ABLIM1: variants seen among roughly 807,000 people sequenced by gnomAD.
The protein encoded by ABLIM1 is actin-binding LIM protein 1.
ABLIM1 carries 40 observed loss-of-function variants against 107.0 expected under a neutral mutation model. The ratio of observed to expected loss-of-function variants is 0.37; its 90% CI spans 0.29 to 0.49. The LOEUF (loss-of-function observed/expected upper bound fraction) is 0.49. ABLIM1 is among the 20% of genes least tolerant of loss of function. The probability of loss-of-function intolerance (pLI) is 0.97; values close to 1 mark genes in which losing one functional copy is unlikely to be tolerated. For missense variants in ABLIM1, 857 were observed against 1,008.5 expected (o/e 0.85, Z 2.04); for synonymous variants, 357 against 357.3 (o/e 1.00, Z 0.01).
At chr10:114,793,209 T>C in the ABLIM1 span, among the ~76,000 whole-genome samples, 6 of 152,018 alleles carry the variant, frequency 3.9e-5, no homozygotes, top group Non-Finnish European at 8.8e-5. Flanking sequence ...TGGGGCCTGG[T>C]GGGAGGTAAC....
At chr10:114,644,198 A>G (rs528597676) in intron 1 of ABLIM1, among the ~76,000 whole-genome samples, 18 of 141,694 alleles carry the variant, frequency 1.3e-4, no homozygotes, top group Admixed American at 3.6e-4. Flanking sequence ...GGAGAATGGC[A>G]TGAACCCGGG....
chr10:114,728,837 G>A (rs1454476894), intron 1 of ABLIM1, among the ~76,000 whole-genome samples: 1 of 152,064 alleles, frequency 6.6e-6, no homozygotes, highest in East Asian at 1.9e-4. Context: ...ACAATCTGAA[G>A]TATGGCAAAA....
intron 6 of ABLIM1, chr10:114,526,805 G>C: frequency 1.0e-6 from 1 of 985,466 alleles, no homozygotes; most frequent in Non-Finnish European, 1.2e-6. Context: ...CACCTGCCTG[G>C]GTTACATATC....
intron 1 of ABLIM1, among the ~76,000 whole-genome samples, chr10:114,606,812 C>A (rs1046527650): frequency 6.6e-6 from 1 of 152,204 alleles, no homozygotes; most frequent in African/African-American, 2.4e-5. Context: ...AATGAAGTGA[C>A]TCACCCAAGG....
intron 1 of ABLIM1, among the ~76,000 whole-genome samples, chr10:114,653,105 C>T (rs181546340): frequency 4.0e-4 from 61 of 152,208 alleles, no homozygotes; most frequent in African/African-American, 1.4e-3. Flanking sequence ...GTCAGGCAGA[C>T]CTAAGCCCAA....
intron 4 of ABLIM1, among the ~76,000 whole-genome samples, chr10:114,563,195 G>C (rs1455876629): frequency 6.6e-6 from 1 of 152,186 alleles, no homozygotes; most frequent in Non-Finnish European, 1.5e-5. Flanking sequence ...TGTTAACAGA[G>C]GTCACCTCTT....
intron 1 of ABLIM1, among the ~76,000 whole-genome samples, chr10:114,641,275 A>AAAAAG (rs1456354545): frequency 2.7e-5 from 4 of 146,118 alleles, no homozygotes; most frequent in Non-Finnish European, 4.5e-5. Flanking sequence ...AAAAAAAAAA[A>AAAAAG]GTGGACTTCG....
chr10:114,565,880 C>T (rs1350161864), intron 4 of ABLIM1, among the ~76,000 whole-genome samples: 9 of 133,860 alleles, frequency 6.7e-5, no homozygotes, highest in African/African-American at 2.5e-4. Context: ...CTGCAAGCTC[C>T]GCCTCCTGGG....
chr10:114,621,517 G>A (rs1236817585), intron 1 of ABLIM1, among the ~76,000 whole-genome samples: 3 of 152,168 alleles, frequency 2.0e-5, no homozygotes, highest in Non-Finnish European at 2.9e-5. Context: ...ATGAATATAG[G>A]TTGAATCAAA....
At chr10:114,610,305 T>C (rs934002883) in intron 1 of ABLIM1, among the ~76,000 whole-genome samples, 40 of 152,216 alleles carry the variant, frequency 2.6e-4, no homozygotes, top group Middle Eastern at 3.2e-3. Flanking sequence ...GAGGCCAGGA[T>C]TGGAAATCTC....
intron 15 of ABLIM1, 51 bp downstream of exon 15, chr10:114,447,829 T>C: frequency 1.2e-6 from 2 of 1,600,230 alleles, no homozygotes; most frequent in Non-Finnish European, 1.7e-6. Context: ...CATGTCATCT[T>C]GAGCTCTCCT....
At chr10:114,795,553 TA>T in the ABLIM1 span, among the ~76,000 whole-genome samples, 2 of 151,826 alleles carry the variant, frequency 1.3e-5, no homozygotes, top group Admixed American at 6.6e-5. Context: ...CTAAAAATAT[TA>T]AAAAACTAGC....
intron 13 of ABLIM1, 129 bp from the exon 14 acceptor site, chr10:114,451,800 T>C (rs1039623468): frequency 1.3e-6 from 1 of 788,826 alleles, no homozygotes; most frequent in Non-Finnish European, 2.1e-6. Flanking sequence ...AATTTCTGTA[T>C]TACAAAGATT....
chr10:114,743,631 A>C (rs75755790), intron 1 of ABLIM1, among the ~76,000 whole-genome samples: 6,855 of 152,224 alleles, frequency 0.045, 223 homozygotes, highest in African/African-American at 0.082. Context: ...CTCTTTCAAA[A>C]CTTTTCTGGG....
intron 6 of ABLIM1, among the ~76,000 whole-genome samples, chr10:114,515,073 AG>A (rs2062594677): frequency 6.6e-6 from 1 of 152,260 alleles, no homozygotes; most frequent in Admixed American, 6.5e-5. Flanking sequence ...ATGGGTGAGA[AG>A]GAGCGCGTGC....
chr10:114,660,195 A>G (rs530146431), upstream of ABLIM1, among the ~76,000 whole-genome samples: 2 of 152,322 alleles, frequency 1.3e-5, no homozygotes, highest in South Asian at 4.1e-4. Flanking sequence ...CTTCCTCTAA[A>G]AACAGTTTAC....
chr10:114,438,366 C>A (rs1047160069), intron 21 of ABLIM1, among the ~76,000 whole-genome samples: 1 of 152,060 alleles, frequency 6.6e-6, no homozygotes, highest in Admixed American at 6.5e-5. Flanking sequence ...CCCAGGTGAC[C>A]CTCCTATCTT....
intron 4 of ABLIM1, among the ~76,000 whole-genome samples, chr10:114,562,356 C>T (rs1010448248): frequency 6.6e-6 from 1 of 152,062 alleles, no homozygotes; most frequent in African/African-American, 2.4e-5. Flanking sequence ...GGTGAAACCC[C>T]GTCTCTACTA....
chr10:114,470,447 A>G (rs1157435885), intron 10 of ABLIM1, among the ~76,000 whole-genome samples: 1 of 151,148 alleles, frequency 6.6e-6, no homozygotes, highest in Admixed American at 6.6e-5. Context: ...AAAAAAAGGC[A>G]ATATGTATAT....
Sources: gnomAD v4.1 joint callset for allele counts (sites outside exome capture counted in the v4.1 genomes callset) on GRCh38, gnomAD v4.1.1 for gene constraint, MANE v1.5 for transcripts, NCBI Gene and HGNC (gene_info 2026-07-23, HGNC 2026-07-21) for gene names.